Variants in PDCD10 observed in about 807,000 individuals in gnomAD.
PDCD10 encodes programmed cell death protein 10.
A neutral mutation model predicts 29.2 loss-of-function variants in PDCD10; 4 were observed. The ratio of observed to expected loss-of-function variants is 0.14; its 90% CI spans 0.07 to 0.31. The LOEUF is 0.31. PDCD10 is among the 10% of genes least tolerant of loss of function. The pLI is 1.00. For missense variants in PDCD10, 183 were observed against 257.9 expected (o/e 0.71, Z 1.99); for synonymous variants, 70 against 82.2 (o/e 0.85, Z 0.80).
At chr3:167,715,883 C>T (rs1337817594) in intron 3 of PDCD10, among the ~76,000 whole-genome samples, 1 of 151,850 alleles carries the variant, frequency 6.6e-6, no homozygotes, top group Non-Finnish European at 1.5e-5. Context: ...AACAGAGGTA[C>T]CATATGATCC....
intron 3 of PDCD10, among the ~76,000 whole-genome samples, chr3:167,709,599 C>T (rs958786785): frequency 6.6e-6 from 1 of 152,140 alleles, no homozygotes; most frequent in Non-Finnish European, 1.5e-5. Flanking sequence ...ATTGAGTAAG[C>T]CTTGCCACCA....
intron 2 of PDCD10, among the ~76,000 whole-genome samples, chr3:167,724,559 G>A (rs1419577027): frequency 1.3e-5 from 2 of 152,104 alleles, no homozygotes; most frequent in South Asian, 2.1e-4. Flanking sequence ...TCAGCATAGC[G>A]GGCACATAAC....
intron 4 of PDCD10, among the ~76,000 whole-genome samples, chr3:167,701,145 T>C (rs1006946884): frequency 2.0e-4 from 30 of 152,276 alleles, no homozygotes; most frequent in African/African-American, 7.2e-4. Context: ...AGAACCCTTG[T>C]TCTAGCCTGG....
rs1472278908 is a variant in PDCD10 at position 167,730,527 on chromosome 3, T to C, written c.-117+3687A>G. On this transcript the variant is annotated intron_variant, in intron 2 of 8. Transcript: ENST00000392750. ...ACACTGACTTTTTAAAAAGTAAGTT[T>C]AGGATTTAGCAAAGACTTGTTTTTA... 5.9e-5 allele frequency among the ~76,000 whole-genome samples: 9 copies of C among 152,188 alleles called. No individual in the cohort carries two copies. The South Asian group carries it at 1.9e-3, about 31-fold the overall frequency.
At chr3:167,717,414 G>A (rs1156764619) in intron 3 of PDCD10, among the ~76,000 whole-genome samples, 1 of 151,484 alleles carries the variant, frequency 6.6e-6, no homozygotes. Flanking sequence ...AGAGTAAAAC[G>A]GTCATCCTTA....
chr3:167,713,553 A>G (rs1436175308), intron 3 of PDCD10, among the ~76,000 whole-genome samples: 1 of 152,044 alleles, frequency 6.6e-6, no homozygotes, highest in East Asian at 1.9e-4. Flanking sequence ...AGAGGAAAAG[A>G]AATAATAAAG....
chr3:167,703,095 C>T (rs1721608134), intron 4 of PDCD10, among the ~76,000 whole-genome samples: 2 of 152,084 alleles, frequency 1.3e-5, no homozygotes, highest in Non-Finnish European at 2.9e-5. Context: ...ACAGGGTCTT[C>T]TTCTCTCTGT....
intron 6 of PDCD10, among the ~76,000 whole-genome samples, chr3:167,693,798 A>G (rs1040611069): frequency 7.2e-5 from 11 of 152,068 alleles, no homozygotes; most frequent in African/African-American, 2.7e-4. Flanking sequence ...TAAAAAAAAA[A>G]AAAAGAAATT....
Position 167,684,095 on chromosome 3 carries a change from A to G in PDCD10, c.*213T>C. 1 of 463,446 alleles carries G rather than the reference A, an allele frequency of 2.2e-6. No individual in the cohort carries two copies. Among genetic ancestry groups the G allele is most frequent in the Non-Finnish European group, 3.9e-6 (1 of 253,870 alleles). 28.7% of individuals were successfully genotyped at this position (463,446 alleles called of 1,614,324 possible). On this transcript the variant is annotated 3_prime_UTR_variant, in exon 9 of 9. Transcript: ENST00000392750. ...GGCTTATAATTCTTAAAAGAATGATAATAGCAAAAGTGATGCAAAATCTTC... is the reference window on the plus strand; with the variant it reads ...GGCTTATAATTCTTAAAAGAATGATGATAGCAAAAGTGATGCAAAATCTTC...
At chr3:167,716,132 A>G (rs1295489916) in intron 3 of PDCD10, among the ~76,000 whole-genome samples, 4 of 151,968 alleles carry the variant, frequency 2.6e-5, no homozygotes, top group Admixed American at 2.6e-4. Flanking sequence ...GGCTGGAACC[A>G]AGGTCATTAT....
chr3:167,708,065 A>C (rs1722166768), intron 3 of PDCD10, among the ~76,000 whole-genome samples: 1 of 152,174 alleles, frequency 6.6e-6, no homozygotes, highest in South Asian at 2.1e-4. Flanking sequence ...TCCTTCTGTA[A>C]CTTATTGTTG....
chr3:167,696,876 CCAT>C (rs1272476966), intron 5 of PDCD10, 130 bp downstream of exon 5: 12 of 723,962 alleles, frequency 1.7e-5, no homozygotes, highest in African/African-American at 8.7e-5. Context: ...ACCACCACCA[CCAT>C]CATCATCATA....
At chr3:167,707,454 G>A (rs1346490763) in intron 3 of PDCD10, among the ~76,000 whole-genome samples, 2 of 152,168 alleles carry the variant, frequency 1.3e-5, no homozygotes, top group Middle Eastern at 3.4e-3. Context: ...CTAAGCAGGC[G>A]GATCACAAAG....
chr3:167,723,715 T>C (rs999494376), intron 2 of PDCD10, among the ~76,000 whole-genome samples: 21 of 152,354 alleles, frequency 1.4e-4, no homozygotes, highest in African/African-American at 4.6e-4. Context: ...AAGTAAGCTT[T>C]GTGTACTGTT....
chr3:167,684,981 G>A (rs1393365666), intron 8 of PDCD10, among the ~76,000 whole-genome samples: 2 of 150,772 alleles, frequency 1.3e-5, no homozygotes, highest in Admixed American at 6.6e-5. Context: ...CTGGCTTTGA[G>A]CCCCACCACA....
intron 2 of PDCD10, among the ~76,000 whole-genome samples, chr3:167,730,278 C>A (rs1724667219): frequency 6.6e-6 from 1 of 151,962 alleles, no homozygotes; most frequent in Non-Finnish European, 1.5e-5. Flanking sequence ...ATTTCAAATG[C>A]AATAACATAG....
At chr3:167,722,912 C>T (rs369303485) in intron 2 of PDCD10, among the ~76,000 whole-genome samples, 2 of 152,170 alleles carry the variant, frequency 1.3e-5, no homozygotes, top group East Asian at 3.9e-4. Flanking sequence ...TAAATAGTCT[C>T]TTCTCTAAAA....
chr3:167,702,320 T>TA (rs1456344106), intron 4 of PDCD10, among the ~76,000 whole-genome samples: 1 of 152,174 alleles, frequency 6.6e-6, no homozygotes, highest in Non-Finnish European at 1.5e-5. Context: ...ATGCAGACCT[T>TA]ATGATGATCC....
At chr3:167,729,896 A>G (rs1724617836) in intron 2 of PDCD10, among the ~76,000 whole-genome samples, 1 of 152,164 alleles carries the variant, frequency 6.6e-6, no homozygotes, top group South Asian at 2.1e-4. Flanking sequence ...CTTGTTAATA[A>G]AATTCTTTTC....
Sources: allele counts gnomAD v4.1 joint callset (sites outside exome capture counted in the v4.1 genomes callset), GRCh38; gene constraint gnomAD v4.1.1; transcripts MANE v1.5; gene names NCBI Gene and HGNC (gene_info 2026-07-23, HGNC 2026-07-21).